SATB2: variants seen among roughly 807,000 people sequenced by gnomAD.
The protein encoded by SATB2 is SATB homeobox 2.
SATB2 carries 1 observed loss-of-function variant against 73.4 expected under a neutral mutation model. That is an observed-to-expected ratio of 0.01 (90% CI 0.00 to 0.06). The LOEUF (loss-of-function observed/expected upper bound fraction) is 0.06. SATB2 is among the 10% of genes least tolerant of loss of function. The pLI, the probability that SATB2 is intolerant of heterozygous loss-of-function variation, is 1.00. For missense variants in SATB2, 459 were observed against 945.8 expected, an observed-to-expected ratio of 0.49 and a Z score of 6.75; for synonymous variants, 397 against 367.0, an observed-to-expected ratio of 1.08 and a Z score of -0.93.
intron 10 of SATB2, among the ~76,000 whole-genome samples, chr2:199,292,855 T>G (rs898354812): frequency 6.6e-6 from 1 of 152,186 alleles, no homozygotes; most frequent in African/African-American, 2.4e-5. Flanking sequence ...CACAGAGGAA[T>G]TTTAAGCCAG....
intron 3 of SATB2, among the ~76,000 whole-genome samples, chr2:199,404,369 T>G (rs910599223): frequency 1.3e-5 from 2 of 152,190 alleles, no homozygotes; most frequent in Non-Finnish European, 2.9e-5. Context: ...CACCTCTAAT[T>G]GATATAACCA....
At chr2:199,398,619 T>C (rs1366397049) in intron 3 of SATB2, among the ~76,000 whole-genome samples, 1 of 152,220 alleles carries the variant, frequency 6.6e-6, no homozygotes, top group African/African-American at 2.4e-5. Flanking sequence ...GTAAACAAGA[T>C]GATGATGGCC....
At chr2:199,338,812 G>A (rs1229585269) in intron 7 of SATB2, among the ~76,000 whole-genome samples, 6 of 151,720 alleles carry the variant, frequency 4.0e-5, no homozygotes, top group Admixed American at 2.6e-4. Context: ...AGCTACTCGG[G>A]AGGCTGAGGT....
intron 3 of SATB2, among the ~76,000 whole-genome samples, chr2:199,408,108 C>A (rs2105899636): frequency 6.6e-6 from 1 of 152,160 alleles, no homozygotes; most frequent in South Asian, 2.1e-4. Flanking sequence ...AAATTAATAG[C>A]CTGAAAGGTG....
rs192754090 is a variant in SATB2, at chr2:199,455,284, G to A, written c.169+585C>T. On this transcript the variant is annotated intron_variant, in intron 2 of 10. Transcript: ENST00000417098. This position sits in a 1 kb window ranked among gnomAD's most constrained non-coding sequence, Gnocchi z 4.1. ...CTCCTATAATTCATAATAAAGTTAC[G>A]AATGCATATGACTAAACTTTATAGA... Among the ~76,000 whole-genome samples, 110 of 152,224 alleles carry A rather than the reference G, an allele frequency of 7.2e-4. No individual in the cohort carries two copies. Among genetic ancestry groups the A allele is most frequent in the African/African-American group, 2.4e-3 (98 of 41,516 alleles).
intron 3 of SATB2, among the ~76,000 whole-genome samples, chr2:199,416,305 T>C (rs973695537): frequency 6.6e-6 from 1 of 152,190 alleles, no homozygotes; most frequent in African/African-American, 2.4e-5. Flanking sequence ...AAACAGACTA[T>C]CCACTAATAA....
In SATB2 at chr2:199,313,087, A is replaced by C. The variant is rs563931314; in HGVS notation, c.1543-4130T>G. Among the ~76,000 whole-genome samples, 6 of 152,310 alleles carry C rather than the reference A, an allele frequency of 3.9e-5. No homozygotes were observed. In the East Asian group the frequency reaches 1.2e-3, roughly 29 times the overall value. The stretch of plus-strand genomic sequence containing the variant: ...AGAATAAGGTTTTTGTTTAGTTAAC[A>C]GTATAGAAACAATGTCACTTTCCTG... On this transcript the variant is annotated intron_variant, in intron 9 of 10. Transcript: ENST00000417098.
chr2:199,351,559 A>C (rs911401586), intron 6 of SATB2, among the ~76,000 whole-genome samples: 4 of 152,342 alleles, frequency 2.6e-5, no homozygotes, highest in African/African-American at 9.6e-5. Context: ...GTATTAATTA[A>C]ACTTTAAAGT....
chr2:199,374,972 A>G (rs1167361268), intron 5 of SATB2, among the ~76,000 whole-genome samples: 1 of 151,686 alleles, frequency 6.6e-6, no homozygotes, highest in Non-Finnish European at 1.5e-5. Flanking sequence ...GCAAAAAGAA[A>G]AAAAAAAAAA....
intron 3 of SATB2, among the ~76,000 whole-genome samples, chr2:199,417,398 T>C (rs189878571): frequency 4.7e-4 from 72 of 152,210 alleles, no homozygotes; most frequent in African/African-American, 1.6e-3. Flanking sequence ...CAGATGTGCT[T>C]TGAGGCAGTT....
rs556153546 is a variant in SATB2 at position 199,463,224 on chromosome 2, A to C, written c.-141+1612T>G. Among the ~76,000 whole-genome samples, 153 of 152,266 alleles carry C rather than the reference A, an allele frequency of 1.0e-3. No individual in the cohort carries two copies. The highest frequency in any genetic ancestry group is 3.5e-3 in the African/African-American group (146 of 41,566). On this transcript the variant is annotated intron_variant, in intron 1 of 11. Coordinates refer to the SATB2 transcript ENST00000260926. This position sits in a 1 kb window ranked among gnomAD's most constrained non-coding sequence, Gnocchi z 6.4. ...ACTTAATAGGTGGGTCCCCTTCTGC[A>C]ACCACGCTGCGAGAGAATGACTGCC...
upstream of SATB2, among the ~76,000 whole-genome samples, chr2:199,462,513 C>T (rs1038481412): frequency 1.2e-4 from 19 of 152,266 alleles, no homozygotes; most frequent in Admixed American, 2.6e-4. This position sits in a 1 kb window ranked among gnomAD's most constrained non-coding sequence, Gnocchi z 5.9. Context: ...CAGAGTGCTC[C>T]GGGCGTCTGG....
At chr2:199,424,581 C>A (rs1381047180) in intron 3 of SATB2, among the ~76,000 whole-genome samples, 1 of 151,926 alleles carries the variant, frequency 6.6e-6, no homozygotes, top group Non-Finnish European at 1.5e-5. Flanking sequence ...AAAATCTGGA[C>A]AAAGTATTAA....
chr2:199,327,537 T>C (rs553875708), intron 8 of SATB2, among the ~76,000 whole-genome samples: 1 of 152,194 alleles, frequency 6.6e-6, no homozygotes, highest in Non-Finnish European at 1.5e-5. Context: ...GTGAACGGAC[T>C]GGCCTTATCA....
At chr2:199,337,577 T>C (rs545512902) in intron 7 of SATB2, among the ~76,000 whole-genome samples, 2 of 152,176 alleles carry the variant, frequency 1.3e-5, no homozygotes, top group Non-Finnish European at 2.9e-5. Flanking sequence ...AAATGAGATA[T>C]AGCTAGAGAC....
chr2:199,429,269 G>A (rs1691429260), intron 3 of SATB2, among the ~76,000 whole-genome samples: 1 of 152,034 alleles, frequency 6.6e-6, no homozygotes, highest in Non-Finnish European at 1.5e-5. Flanking sequence ...AGTAAAATTT[G>A]ATATTTACTT....
At chr2:199,318,811 T>G (rs908935460) in intron 9 of SATB2, among the ~76,000 whole-genome samples, 15 of 151,240 alleles carry the variant, frequency 9.9e-5, no homozygotes, top group African/African-American at 3.7e-4. Context: ...TTCTTTTATA[T>G]AAAAAGAATC....
intron 2 of SATB2, among the ~76,000 whole-genome samples, chr2:199,443,617 C>T (rs993453857): frequency 2.0e-5 from 3 of 148,396 alleles, no homozygotes; most frequent in Non-Finnish European, 4.4e-5. Context: ...AACAGCAAAA[C>T]ATTTACGGAT....
At chr2:199,440,562 A>G (rs1426902521) in intron 2 of SATB2, among the ~76,000 whole-genome samples, 1 of 152,210 alleles carries the variant, frequency 6.6e-6, no homozygotes. Context: ...GAGCAGAGCA[A>G]TCATTTGGAT....
Sources: gnomAD v4.1 joint callset for allele counts (sites outside exome capture counted in the v4.1 genomes callset) on GRCh38, gnomAD v4.1.1 for gene constraint, Gnocchi (gnomAD v3.1) non-coding constraint, MANE v1.5 for transcripts, NCBI Gene and HGNC (gene_info 2026-07-23, HGNC 2026-07-21) for gene names.